Variants in DDX60 observed in about 807,000 individuals in gnomAD.
DDX60 encodes the protein DExD/H-box helicase 60, also known as probable ATP-dependent RNA helicase DDX60.
DDX60 carries 165 observed loss-of-function variants against 212.8 expected under a neutral mutation model. The ratio of observed to expected loss-of-function variants is 0.78; its 90% CI spans 0.68 to 0.88. DDX60 has a LOEUF of 0.88. Ranked by LOEUF, DDX60 falls within the 40% of genes least tolerant of loss-of-function variation. The pLI, the probability that DDX60 is intolerant of heterozygous loss-of-function variation, is 0.00. For synonymous variants in DDX60, 703 were observed against 685.3 expected (o/e 1.03, Z -0.40); for missense variants, 1,905 against 2,003.9 (o/e 0.95, Z 0.94).
intron 10 of DDX60, among the ~76,000 whole-genome samples, chr4:168,286,422 CG>C (rs1342486736): frequency 9.5e-4 from 55 of 57,874 alleles, no homozygotes; most frequent in African/African-American, 5.0e-3. Context: ...ACACACCACA[CG>C]AGATAGATAG....
chr4:168,312,538 G>A (rs950589963), intron 1 of DDX60, among the ~76,000 whole-genome samples: 3 of 152,014 alleles, frequency 2.0e-5, no homozygotes, highest in African/African-American at 7.2e-5. Flanking sequence ...ATCCACAAAG[G>A]TAATAGAGAA....
chr4:168,285,693 C>G (rs1050327339), intron 10 of DDX60, among the ~76,000 whole-genome samples, 195 bp from the exon 11 acceptor site: 2 of 149,690 alleles, frequency 1.3e-5, no homozygotes, highest in Admixed American at 1.3e-4. Context: ...TATAAAGAAT[C>G]AGACAGCATT....
At chr4:168,290,488 C>T (rs1736044337) in intron 8 of DDX60, among the ~76,000 whole-genome samples, 1 of 151,924 alleles carries the variant, frequency 6.6e-6, no homozygotes, top group Admixed American at 6.6e-5. Flanking sequence ...ACCACCATGC[C>T]TGGCTACTTT....
At chr4:168,275,930 C>T in intron 15 of DDX60, 85 bp downstream of exon 15, 6 of 1,156,516 alleles carry the variant, frequency 5.2e-6, no homozygotes, top group Non-Finnish European at 4.7e-6. Flanking sequence ...AAAAAAAAAT[C>T]TGGAAGAGAT....
intron 1 of DDX60, among the ~76,000 whole-genome samples, chr4:168,314,136 G>T (rs996156963): frequency 6.6e-6 from 1 of 152,048 alleles, no homozygotes; most frequent in Non-Finnish European, 1.5e-5. Flanking sequence ...TACTAAAGTA[G>T]GCTTACACAC....
In DDX60 at chr4:168,272,089, T is replaced by A; in HGVS notation, c.2624A>T (p.His875Leu). The A allele has an allele frequency of 1.3e-6, 2 of 1,588,144 alleles. No homozygotes were observed. The highest frequency in any genetic ancestry group is 1.7e-6 in the Non-Finnish European group (2 of 1,164,500). ...GATCTTTTTCACCCAGTTTTGGCGA[T>A]GAGGAGCAAGCAGCAGAATTTCAAA... ...ACFEILLLAP[H>L]RQNWVKKIRY... The change falls in exon 19 of 38, where the codon CAT (histidine) becomes CTT (leucine). Residue 875 changes from histidine to leucine, a missense_variant. By Grantham distance (99) the His-to-Leu change is moderately conservative. Transcript: ENST00000393743.
Position 168,287,222 on chromosome 4 carries a change from CACTA to C in DDX60, c.1184-23_1184-20del. Reference sequence around the variant, plus strand: ...TGTAGGCCTACATAACAATTAAAAACACTAAATACTAGAAGCCATCCACTCCCAC... The same window carrying C: ...TGTAGGCCTACATAACAATTAAAAACAATACTAGAAGCCATCCACTCCCAC... On this transcript the variant is annotated intron_variant, in intron 9 of 37. Transcript: ENST00000393743. The C allele has an allele frequency of 6.3e-7, 1 of 1,587,848 alleles. No homozygotes were observed. Among genetic ancestry groups the C allele is most frequent in the Non-Finnish European group, 8.6e-7 (1 of 1,163,730 alleles).
Position 168,283,474 on chromosome 4 carries a change from A to G in DDX60, c.1694T>C (p.Phe565Ser). 1.9e-6 allele frequency: 3 copies of G among 1,613,500 alleles called. No individual in the cohort carries two copies. The highest frequency in any genetic ancestry group is 2.5e-6 in the Non-Finnish European group (3 of 1,179,680). ...TGCCTTTTTGCTCTTGGGCCCACTA[A>G]AATCCTTCTTTGACTTAATAGTTTG... ...VTQTIKSKKD[F>S]SGPKSKKAHE... The change falls in exon 13 of 38, where the codon TTT (phenylalanine) becomes TCT (serine). Residue 565 changes from phenylalanine to serine, a missense_variant. Phe to Ser is a radical substitution (Grantham distance 155). Coordinates refer to ENST00000393743, the MANE Select transcript of DDX60 (RefSeq NM_017631.6).
chr4:168,233,549 G>C (rs1117105), intron 33 of DDX60, among the ~76,000 whole-genome samples: 1 of 152,078 alleles, frequency 6.6e-6, no homozygotes, highest in Admixed American at 6.6e-5. Flanking sequence ...TGAAATAAGA[G>C]CATTCACAAG....
chr4:168,252,642 T>TGGC lies in DDX60; in HGVS notation c.3569_3571dup (p.Ser1190_Gln1191insArg). On this transcript the variant is annotated inframe_insertion, in exon 27 of 38. Transcript: ENST00000393743. ...TTGATCCACATTTCTGGTTTTTTTC[T>TGGC]GGCTCTTTTCATCTCTGTTCATAAA... 1 of 1,609,970 alleles carries TGGC rather than the reference T, an allele frequency of 6.2e-7. No homozygotes were observed. The highest frequency in any genetic ancestry group is 8.5e-7 in the Non-Finnish European group (1 of 1,178,172).
Position 168,253,128 on chromosome 4 carries a change from CT to C in DDX60, c.3558-473del, listed in dbSNP as rs527454870. Reference sequence around the variant, plus strand: ...TGCTGTGCATCTTTAATAACTCAGTCTTCCTCTAATGCCCTTCCTTTTCAGC... The same window carrying C: ...TGCTGTGCATCTTTAATAACTCAGTCTCCTCTAATGCCCTTCCTTTTCAGC... On this transcript the variant is annotated intron_variant, in intron 26 of 37. Coordinates refer to ENST00000393743, the MANE Select transcript of DDX60 (RefSeq NM_017631.6). Among the ~76,000 whole-genome samples, 22 of 152,286 alleles carry C rather than the reference CT, an allele frequency of 1.4e-4. No individual in the cohort carries two copies. The South Asian group carries it at 4.4e-3, about 30-fold the overall frequency.
At chr4:168,309,341 G>A (rs554998354) in intron 3 of DDX60, among the ~76,000 whole-genome samples, 39 of 152,280 alleles carry the variant, frequency 2.6e-4, no homozygotes, top group Middle Eastern at 3.4e-3. Context: ...AGAAAAAGTT[G>A]AATTGCCTGA....
At chr4:168,298,811 A>G (rs1204901476) in intron 6 of DDX60, among the ~76,000 whole-genome samples, 1 of 152,166 alleles carries the variant, frequency 6.6e-6, no homozygotes, top group African/African-American at 2.4e-5. Flanking sequence ...AAAATTAACT[A>G]TATGTTAACA....
chr4:168,273,906 G>T (rs1476794347), intron 17 of DDX60, 28 bp downstream of exon 17: 5 of 1,594,056 alleles, frequency 3.1e-6, no homozygotes, highest in Non-Finnish European at 4.3e-6. Flanking sequence ...AGGAATGAAA[G>T]AGAATATTAT....
Position 168,287,071 on chromosome 4 carries a change from T to A in DDX60, c.1316A>T (p.Glu439Val). ...PLRTTKVCFL[E>V]KKPSPIKDSS... ...ACCTTTGATTGGTGATGGTTTCTTT[T>A]CAAGAAAACAAACTTTTGTTGTTCT... The change falls in exon 10 of 38, where the codon GAA becomes GTA. Residue 439 changes from glutamate to valine, a missense_variant. Transcript: ENST00000393743. 2 of 1,606,642 alleles carry A rather than the reference T, an allele frequency of 1.2e-6. No individual in the cohort carries two copies. The highest frequency in any genetic ancestry group is 1.7e-6 in the Non-Finnish European group (2 of 1,178,324).
chr4:168,246,493 A>G lies in DDX60; in HGVS notation c.4089T>C (p.Pro1363=). 6.2e-7 allele frequency: 1 copy of G among 1,614,060 alleles called. No homozygotes were observed. The highest frequency in any genetic ancestry group is 1.1e-5 in the South Asian group (1 of 91,076). ...SNVPELRGHF[P]LSITLVLRLM... ...GTCGCAGGACCAGGGTTATGCTGAG[A>G]GGGAAGTGTCCTCTCAGCTCAGGAA... is the stretch of plus-strand genomic sequence containing the variant. The change falls in exon 30 of 38, where the codon CCT becomes CCC. Residue 1363 remains proline, a synonymous_variant. Coordinates refer to ENST00000393743, the MANE Select transcript of DDX60 (RefSeq NM_017631.6).
At chr4:168,273,229 A>C in intron 18 of DDX60, 50 bp downstream of exon 18, 3 of 1,556,264 alleles carry the variant, frequency 1.9e-6, no homozygotes, top group Non-Finnish European at 1.7e-6. Flanking sequence ...AGAGACATAC[A>C]AGTACAGTTA....
At chr4:168,242,354 C>A (rs575622805) in intron 30 of DDX60, among the ~76,000 whole-genome samples, 2 of 152,168 alleles carry the variant, frequency 1.3e-5, no homozygotes, top group Non-Finnish European at 2.9e-5. Flanking sequence ...TGACAGCTTG[C>A]GCTGTGTGCC....
intron 26 of DDX60, among the ~76,000 whole-genome samples, chr4:168,253,138 T>A (rs1734282782): frequency 6.6e-6 from 1 of 152,202 alleles, no homozygotes; most frequent in African/African-American, 2.4e-5. Context: ...CTTCCTCTAA[T>A]GCCCTTCCTT....
Sources: allele counts gnomAD v4.1 joint callset (sites outside exome capture counted in the v4.1 genomes callset), GRCh38; gene constraint gnomAD v4.1.1; transcripts MANE v1.5; gene names NCBI Gene and HGNC (gene_info 2026-07-23, HGNC 2026-07-21).